Variants in LARS2 observed in about 807,000 individuals in gnomAD.
LARS2 encodes the protein leucine--tRNA ligase, mitochondrial.
A neutral mutation model predicts 116.6 loss-of-function variants in LARS2; 81 were observed. The observed-to-expected ratio is 0.69, with a 90% CI of 0.58 to 0.84. LARS2 has a LOEUF of 0.84. LARS2 is among the 40% of genes least tolerant of loss of function. The pLI is 0.00. For synonymous variants in LARS2, 396 were observed against 407.2 expected (o/e 0.97, Z 0.33); for missense variants, 968 against 1,114.5 (o/e 0.87, Z 1.87).
chr3:45,399,033 C>T (rs1401678202), intron 3 of LARS2, among the ~76,000 whole-genome samples: 2 of 152,194 alleles, frequency 1.3e-5, no homozygotes, highest in Non-Finnish European at 2.9e-5. Flanking sequence ...TGTGTTCCTT[C>T]TGTTCAGATA....
At chr3:45,540,914 T>A (rs1700785889) in intron 20 of LARS2, among the ~76,000 whole-genome samples, 1 of 152,088 alleles carries the variant, frequency 6.6e-6, no homozygotes, top group South Asian at 2.1e-4. Context: ...GCCTCCCAAG[T>A]ACCTGGGATT....
chr3:45,485,599 A>T lies in LARS2; in HGVS notation c.1019-93A>T, dbSNP rs1699791844. 5 of 661,460 alleles carry T rather than the reference A, an allele frequency of 7.6e-6. No individual in the cohort carries two copies. The East Asian group carries it at 1.3e-4, about 18-fold the overall frequency. The allele number at this position is 661,460 out of a possible 1,614,324, so 41.0% of individuals were successfully genotyped here. On this transcript the variant is annotated intron_variant, in intron 10 of 21. Coordinates refer to ENST00000645846, the MANE Select transcript of LARS2 (RefSeq NM_015340.4). ...AATTAGCAGAAAGCACAGAAGTTCT[A>T]GTGCTTACTTTTCTCACTTGTTTCC...
rs534304037 is a variant in LARS2, at chr3:45,482,482, T to C, written c.1019-3210T>C. Among the ~76,000 whole-genome samples, 15 of 152,354 alleles carry C rather than the reference T, an allele frequency of 9.8e-5. No homozygotes were observed. The South Asian group carries it at 2.7e-3, about 27-fold the overall frequency. The stretch of plus-strand genomic sequence containing the variant: ...GGGCTATATAGAGTGCCATATCCAA[T>C]GATGTATGCATTTCACAGCAACTTC... On this transcript the variant is annotated intron_variant, in intron 10 of 21. Transcript: ENST00000645846.
rs1700911813 is a variant in LARS2, at chr3:45,549,046, G to A, written c.*1516G>A. ...CACTGATACAGGCAAACTAGCAACAGCAATTAAGTCACTGGTTCTCAGACT... is the reference window on the plus strand; with the variant it reads ...CACTGATACAGGCAAACTAGCAACAACAATTAAGTCACTGGTTCTCAGACT... On this transcript the variant is annotated 3_prime_UTR_variant, in exon 22 of 22. Coordinates refer to ENST00000645846, the MANE Select transcript of LARS2 (RefSeq NM_015340.4). 1 of 152,206 alleles carries A rather than the reference G, an allele frequency of 6.6e-6. No individual in the cohort carries two copies. Among genetic ancestry groups the A allele is most frequent in the Non-Finnish European group, 1.5e-5 (1 of 68,048 alleles). 9.4% of individuals were successfully genotyped at this position (152,206 alleles called of 1,614,324 possible). A position where few individuals can be genotyped will look rare whatever the true frequency, so the allele number is the denominator to read the frequency against.
chr3:45,406,031 G>T (rs778102365), intron 4 of LARS2, among the ~76,000 whole-genome samples: 16 of 152,092 alleles, frequency 1.1e-4, no homozygotes, highest in Admixed American at 2.0e-4. Context: ...CAGCTCCAAT[G>T]ACCCCCACCT....
chr3:45,524,134 C>A (rs1258084257), intron 20 of LARS2, 26 bp downstream of exon 20: 20 of 1,422,188 alleles, frequency 1.4e-5, no homozygotes, highest in Non-Finnish European at 1.8e-5. Context: ...CTTTTTTGAC[C>A]AGTTACTACT....
intron 7 of LARS2, among the ~76,000 whole-genome samples, chr3:45,458,523 T>A (rs886450222): frequency 5.3e-5 from 8 of 152,078 alleles, no homozygotes; most frequent in African/African-American, 1.9e-4. Flanking sequence ...AAACCCCATC[T>A]CAACTAAAAA....
chr3:45,431,366 T>A (rs1163418317), intron 6 of LARS2, among the ~76,000 whole-genome samples: 1 of 152,230 alleles, frequency 6.6e-6, no homozygotes, highest in African/African-American at 2.4e-5. Context: ...TTTAAAAAAA[T>A]TATTAACCTA....
At chr3:45,473,337 T>C (rs1699558317) in intron 8 of LARS2, among the ~76,000 whole-genome samples, 1 of 152,124 alleles carries the variant, frequency 6.6e-6, no homozygotes. Flanking sequence ...ATGACAAATA[T>C]GAAAGATGCT....
intron 13 of LARS2, among the ~76,000 whole-genome samples, chr3:45,493,481 C>G (rs13070575): frequency 0.27 from 41,133 of 152,098 alleles, 5,882 homozygotes; most frequent in Middle Eastern, 0.4. Flanking sequence ...GTACAGACTA[C>G]AGGCACCAGA....
chr3:45,463,949 C>T (rs966341735), intron 8 of LARS2, among the ~76,000 whole-genome samples: 6 of 152,146 alleles, frequency 3.9e-5, no homozygotes, highest in African/African-American at 1.4e-4. Flanking sequence ...CATCTTCTTG[C>T]CCTCCAGATG....
chr3:45,485,875 T>G (rs559787436), intron 11 of LARS2, 79 bp downstream of exon 11: 10 of 780,778 alleles, frequency 1.3e-5, no homozygotes, highest in Admixed American at 7.2e-5. Context: ...TGCTGTCATC[T>G]GGAAGAGCTG....
At position 45,447,176 on chromosome 3, in the gene LARS2, A is replaced by G. The variant is rs376219315; in HGVS notation, c.606+196A>G. ...TCTTTTACCCTTGAATTCTTACCCC[A>G]TAACCTATTGTCTGGTTCCTGTAAT... On this transcript the variant is annotated intron_variant, in intron 7 of 21. Coordinates refer to ENST00000645846, the MANE Select transcript of LARS2 (RefSeq NM_015340.4). Among the ~76,000 whole-genome samples the G allele has an allele frequency of 2.9e-3, 447 of 152,308 alleles. 1 individual carries two copies. Among genetic ancestry groups the G allele is most frequent in the African/African-American group, 0.01 (428 of 41,570 alleles).
chr3:45,544,663 A>T (rs1036322907), intron 21 of LARS2, among the ~76,000 whole-genome samples: 1 of 152,204 alleles, frequency 6.6e-6, no homozygotes, highest in Non-Finnish European at 1.5e-5. Flanking sequence ...TGGTGGCAGG[A>T]TGGAGCTAAA....
At chr3:45,418,174 C>G (rs1698460784) in intron 5 of LARS2, among the ~76,000 whole-genome samples, 1 of 152,194 alleles carries the variant, frequency 6.6e-6, no homozygotes, top group Non-Finnish European at 1.5e-5. Context: ...CACCCTAGAA[C>G]TTGGCAGAAT....
chr3:45,480,359 T>G (rs2125722566), intron 10 of LARS2, among the ~76,000 whole-genome samples: 1 of 152,380 alleles, frequency 6.6e-6, no homozygotes, highest in East Asian at 1.9e-4. Flanking sequence ...ACTAGTTATA[T>G]GGACTGCCGC....
intron 7 of LARS2, among the ~76,000 whole-genome samples, chr3:45,458,428 C>T (rs558506950): frequency 6.6e-6 from 1 of 152,300 alleles, no homozygotes; most frequent in African/African-American, 2.4e-5. Context: ...CACAGTGGCT[C>T]ACGCCTGTAA....
intron 15 of LARS2, among the ~76,000 whole-genome samples, chr3:45,507,329 G>T (rs1700215212): frequency 6.6e-6 from 1 of 152,034 alleles, no homozygotes; most frequent in African/African-American, 2.4e-5. Context: ...CATAAGAGCA[G>T]CTCTCATATA....
intron 5 of LARS2, among the ~76,000 whole-genome samples, chr3:45,419,073 C>T (rs754096754): frequency 6.6e-6 from 1 of 152,206 alleles, no homozygotes; most frequent in South Asian, 2.1e-4. Flanking sequence ...AAAGAGGATG[C>T]AGTAGAAATG....
Sources: allele counts gnomAD v4.1 joint callset (sites outside exome capture counted in the v4.1 genomes callset), GRCh38; gene constraint gnomAD v4.1.1; transcripts MANE v1.5; gene names NCBI Gene and HGNC (gene_info 2026-07-23, HGNC 2026-07-21).